The following FGD2 variants were observed in gnomAD, a reference collection of about 807,000 sequenced individuals.
The protein encoded by FGD2 is FYVE, RhoGEF and PH domain-containing protein 2.
FGD2 carries 52 observed loss-of-function variants against 75.9 expected under a neutral mutation model. The observed-to-expected ratio is 0.69, with a 90% CI of 0.55 to 0.86. The LOEUF is 0.86. Ranked by LOEUF, FGD2 falls within the 40% of genes least tolerant of loss-of-function variation. The pLI is 0.00. For missense variants in FGD2, 790 were observed against 872.0 expected, an observed-to-expected ratio of 0.91 and a Z score of 1.18; for synonymous variants, 347 against 348.6, an observed-to-expected ratio of 1.00 and a Z score of 0.05.
At position 37,015,786 on chromosome 6, in the gene FGD2, T is replaced by C; in HGVS notation, c.1048T>C (p.Tyr350His). 6.3e-7 allele frequency: 1 copy of C among 1,593,926 alleles called. No homozygotes were observed. Among genetic ancestry groups the C allele is most frequent in the African/African-American group, 1.3e-5 (1 of 74,916 alleles). The change falls in exon 9 of 16, where the codon TAC (tyrosine) becomes CAC (histidine). Residue 350 changes from tyrosine to histidine, a missense_variant. Transcript: ENST00000274963. ...CCTGCAGTTCAACAACATGCTGCTC[T>C]ACTGTGTGCCCAGGGTGATCCAGGT... ...YLFLFNNMLL[Y>H]CVPRVIQVGA...
chr6:37,010,564 C>T (rs973747433), intron 2 of FGD2, among the ~76,000 whole-genome samples: 7 of 152,170 alleles, frequency 4.6e-5, no homozygotes, highest in African/African-American at 1.4e-4. Context: ...GCTCGCAAGT[C>T]TGGCATCTGG....
rs769302104 is a variant in FGD2, at chr6:37,011,788, T to A, written c.461T>A (p.Ile154Asn). The A allele has an allele frequency of 6.2e-7, 1 of 1,614,024 alleles. No homozygotes were observed. The highest frequency in any genetic ancestry group is 1.1e-5 in the South Asian group (1 of 91,064). Residue 154 changes from isoleucine to asparagine, a missense_variant, in exon 4 of 16, where the codon ATC becomes AAC. Ile to Asn is a moderately radical substitution (Grantham distance 149). Coordinates refer to ENST00000274963, the MANE Select transcript of FGD2 (RefSeq NM_173558.4). ...GTGGTCAGGGTCATCTTCTCCAACA[T>A]CTCCTCCATCTATCAGTTCCATTCT... ...EDVVRVIFSN[I>N]SSIYQFHSQF... is the part of the protein sequence containing the mutation.
In FGD2 at chr6:37,022,390, C is replaced by A; in HGVS notation, c.1458+20C>A. The A allele has an allele frequency of 1.3e-6, 2 of 1,552,008 alleles. No individual in the cohort carries two copies. The highest frequency in any genetic ancestry group is 2.4e-5 in the South Asian group (2 of 83,864). ...GGCTATGTGAGTACTCCTGCCAGCA[C>A]TCCTGCCTCCACCTGCGTCACCCAG... On this transcript the variant is annotated intron_variant, in intron 13 of 15. Transcript: ENST00000274963.
At chr6:37,014,271 A>T in intron 6 of FGD2, 171 bp downstream of exon 6, 1 of 826,490 alleles carries the variant, frequency 1.2e-6, no homozygotes, top group Admixed American at 2.9e-5. Context: ...TGAGGACACT[A>T]AGGCCCAGAG....
At chr6:37,027,138 AG>A (rs552399553) in intron 14 of FGD2, among the ~76,000 whole-genome samples, 221 of 151,888 alleles carry the variant, frequency 1.5e-3, no homozygotes, top group African/African-American at 5.1e-3. Context: ...GCCCCTTCTC[AG>A]GGCCCAATTC....
At chr6:37,023,801 A>C (rs1242970449) in intron 13 of FGD2, 1 of 152,248 alleles carries the variant, frequency 6.6e-6, no homozygotes, top group Non-Finnish European at 1.5e-5. Context: ...TGTAAATAAG[A>C]GTTGAATTGA....
At position 37,028,646 on chromosome 6, in the gene FGD2, ACT is replaced by A. The variant is rs1765951257; in HGVS notation, c.*486_*487del. The stretch of plus-strand genomic sequence containing the variant: ...TTTTTTTTTTTTGAGACAGAGTCTT[ACT>A]CTGTTTCCCAGGCTGGAGTGCACAA... On this transcript the variant is annotated 3_prime_UTR_variant, in exon 16 of 16. Transcript: ENST00000274963. 1 of 46,978 alleles carries A rather than the reference ACT, an allele frequency of 2.1e-5. No homozygotes were observed. The highest frequency in any genetic ancestry group is 2.9e-4 in the Admixed American group (1 of 3,424). The allele number at this position is 46,978 out of a possible 1,614,324, so 2.9% of individuals were successfully genotyped here. A position where few individuals can be genotyped will look rare whatever the true frequency, so the allele number is the denominator to read the frequency against.
At chr6:37,011,127 C>A in intron 3 of FGD2, 77 bp downstream of exon 3, 1 of 1,400,540 alleles carries the variant, frequency 7.1e-7, no homozygotes, top group Non-Finnish European at 1.0e-6. Context: ...CCTTCCCACC[C>A]TGCTCACCAG....
chr6:37,009,181 G>A, intron 2 of FGD2, 116 bp downstream of exon 2: 1 of 934,980 alleles, frequency 1.1e-6, no homozygotes, highest in Non-Finnish European at 1.6e-6. Flanking sequence ...GGGGTATGGT[G>A]TGATCAGAGG....
At position 37,025,539 on chromosome 6, in the gene FGD2, C is replaced by T. The variant is rs774100963; in HGVS notation, c.1459-253C>T. ...GAGGGGAGAGAAGTTACGGCCCTCG[C>T]GGTGGGGGCCGGGTCTTGAACCCTC... On this transcript the variant is annotated intron_variant, in intron 13 of 15. Transcript: ENST00000274963. The T allele has an allele frequency of 5.9e-5, 31 of 521,418 alleles. 1 individual carries two copies. Among genetic ancestry groups the T allele is most frequent in the Admixed American group, 1.6e-4 (5 of 31,540 alleles). The allele number at this position is 521,418 out of a possible 1,614,324, so 32.3% of individuals were successfully genotyped here.
chr6:37,026,086 C>T (rs1765810421), intron 14 of FGD2, 148 bp downstream of exon 14: 2 of 1,459,396 alleles, frequency 1.4e-6, no homozygotes, highest in African/African-American at 2.8e-5. Flanking sequence ...TCTCTCTGCC[C>T]ACAGACCCCA....
chr6:37,027,310 A>C (rs1765871423), intron 14 of FGD2, 119 bp from the exon 15 acceptor site: 3 of 1,222,716 alleles, frequency 2.5e-6, no homozygotes, highest in Non-Finnish European at 3.4e-6. Context: ...CTCAAGGACC[A>C]AGGACCCCTC....
chr6:37,014,250 T>C, intron 6 of FGD2, 150 bp downstream of exon 6: 1 of 964,844 alleles, frequency 1.0e-6, no homozygotes, highest in South Asian at 1.7e-5. Context: ...CCATTAGCCA[T>C]TTTTCACAGA....
chr6:37,014,045 C>T lies in FGD2; in HGVS notation c.768C>T (p.Leu256=). The T allele has an allele frequency of 6.2e-7, 1 of 1,614,142 alleles. No homozygotes were observed. The highest frequency in any genetic ancestry group is 8.5e-7 in the Non-Finnish European group (1 of 1,179,988). The change falls in exon 6 of 16, where the codon CTC becomes CTT. Residue 256 remains leucine (L), a synonymous_variant. Transcript: ENST00000274963. ...GAATTCCACGTTACGAGCTGCTGCT[C>T]AAGGAGTACATCCAGAAGCTGCCAG... ...VQRIPRYELL[L]KEYIQKLPAQ...
At chr6:37,007,812 G>C (rs1211842945) in intron 1 of FGD2, among the ~76,000 whole-genome samples, 1 of 152,228 alleles carries the variant, frequency 6.6e-6, no homozygotes, top group Non-Finnish European at 1.5e-5. Context: ...TGAGAAACCA[G>C]GGACTGGGGT....
chr6:37,027,198 G>A (rs1325574521), intron 14 of FGD2, among the ~76,000 whole-genome samples: 1 of 152,128 alleles, frequency 6.6e-6, no homozygotes, highest in Non-Finnish European at 1.5e-5. Flanking sequence ...GCCCCTTGTG[G>A]GCACACACGC....
chr6:37,020,776 C>A (rs1583316728), intron 11 of FGD2, 37 bp downstream of exon 11: 1 of 1,551,756 alleles, frequency 6.4e-7, no homozygotes, highest in African/African-American at 1.4e-5. Context: ...GAGTCTTTTT[C>A]CTTTCTTTCT....
At chr6:37,020,913 C>T (rs11968304) in intron 11 of FGD2, among the ~76,000 whole-genome samples, 174 bp downstream of exon 11, 3 of 66,918 alleles carry the variant, frequency 4.5e-5, no homozygotes, top group African/African-American at 7.6e-5. Flanking sequence ...TGTGTGTGTG[C>T]ATGTGTGTAT....
rs748633270 is a variant in FGD2 at position 37,005,858 on chromosome 6, A to G, written c.41A>G (p.Asn14Ser). 4.3e-6 allele frequency: 7 copies of G among 1,613,716 alleles called. No individual in the cohort carries two copies. The highest frequency in any genetic ancestry group is 5.9e-6 in the Non-Finnish European group (7 of 1,179,924). ...ASEEKLASVSNLVTVFENSRT... is the reference protein window; with the variant it reads ...ASEEKLASVSSLVTVFENSRT... Reference sequence around the variant, plus strand: ...GAGGAGAAGCTGGCATCTGTGTCCAACCTGGTCACTGTGTTTGAGAATAGC... The same window carrying G: ...GAGGAGAAGCTGGCATCTGTGTCCAGCCTGGTCACTGTGTTTGAGAATAGC... The change falls in exon 1 of 16, where the codon AAC becomes AGC. Residue 14 changes from asparagine to serine, a missense_variant. By Grantham distance (46) the Asn-to-Ser change is conservative. Transcript: ENST00000274963.
Sources: allele counts gnomAD v4.1 joint callset (sites outside exome capture counted in the v4.1 genomes callset), GRCh38; gene constraint gnomAD v4.1.1; transcripts MANE v1.5; gene names NCBI Gene and HGNC (gene_info 2026-07-23, HGNC 2026-07-21).